SFXN1: variants seen among roughly 807,000 people sequenced by gnomAD.
SFXN1 encodes sideroflexin-1.
A neutral mutation model predicts 39.5 loss-of-function variants in SFXN1; 32 were observed. The observed-to-expected ratio is 0.81, with a 90% CI of 0.61 to 1.09. The LOEUF is 1.09. Among genes scored for constraint, SFXN1 ranks in the 50% least tolerant of loss-of-function variants. The probability of loss-of-function intolerance (pLI) is 0.00; values close to 1 mark genes in which losing one functional copy is unlikely to be tolerated. For synonymous variants in SFXN1, 136 were observed against 146.5 expected, an observed-to-expected ratio of 0.93 and a Z score of 0.52; for missense variants, 402 against 407.1, an observed-to-expected ratio of 0.99 and a Z score of 0.11.
At chr5:175,501,719 G>C (rs1760091395) in intron 2 of SFXN1, among the ~76,000 whole-genome samples, 1 of 152,132 alleles carries the variant, frequency 6.6e-6, no homozygotes, top group African/African-American at 2.4e-5. Context: ...TAGCAAGTAA[G>C]CATATGGAAC....
intron 10 of SFXN1, chr5:175,524,128 ATATATATATATATATAT>A (rs1760983284): frequency 1.6e-4 from 3 of 18,426 alleles, no homozygotes; most frequent in Admixed American, 7.5e-4. Context: ...AAAAAAAAAT[ATATATATATATATATAT>A]ATATATATAT....
At chr5:175,484,032 A>G (rs1468423535) in intron 1 of SFXN1, 1 of 152,194 alleles carries the variant, frequency 6.6e-6, no homozygotes, top group East Asian at 1.9e-4. Context: ...GAACGCAAAC[A>G]TCTTGTTCTC....
intron 1 of SFXN1, among the ~76,000 whole-genome samples, chr5:175,480,358 G>A (rs892792054): frequency 2.6e-5 from 4 of 151,832 alleles, no homozygotes; most frequent in East Asian, 1.9e-4. Context: ...CCGAGATCGC[G>A]CCACTGCACT....
At chr5:175,525,748 A>G (rs1761039025) in intron 10 of SFXN1, 1 of 152,158 alleles carries the variant, frequency 6.6e-6, no homozygotes, top group South Asian at 2.1e-4. Flanking sequence ...AGCTGGAGCC[A>G]CAGGCATACA....
chr5:175,487,255 T>C (rs377139820), intron 1 of SFXN1, among the ~76,000 whole-genome samples: 9 of 152,200 alleles, frequency 5.9e-5, no homozygotes, highest in African/African-American at 2.2e-4. Context: ...AGTATTTGTC[T>C]TTATAAGAAG....
Position 175,492,126 on chromosome 5 carries a change from A to G in SFXN1, c.23A>G (p.Asn8Ser), listed in dbSNP as rs1223477476. The G allele has an allele frequency of 3.7e-6, 6 of 1,613,600 alleles. No homozygotes were observed. The South Asian group carries it at 5.5e-5, about 15-fold the overall frequency. The change falls in exon 2 of 11, where the codon AAC becomes AGC. Residue 8 changes from asparagine (N) to serine (S), a missense_variant. Asn to Ser is a conservative substitution (Grantham distance 46). Coordinates refer to ENST00000321442, the MANE Select transcript of SFXN1 (RefSeq NM_022754.7). MSGELPP[N>S]INIKEPRWDQ... ...ACCATGTCTGGAGAACTACCACCAA[A>G]CATTAACATCAAGGAACCTCGATGG...
intron 2 of SFXN1, among the ~76,000 whole-genome samples, chr5:175,495,436 A>G (rs1759822226): frequency 6.6e-6 from 1 of 152,200 alleles, no homozygotes; most frequent in Non-Finnish European, 1.5e-5. Context: ...ATACTTAAAA[A>G]TGGTTAAAAT....
chr5:175,522,234 A>G (rs754926747), intron 9 of SFXN1, 141 bp from the exon 10 acceptor site: 36 of 845,816 alleles, frequency 4.3e-5, no homozygotes, highest in Non-Finnish European at 5.8e-5. Flanking sequence ...TAAAACTTAC[A>G]CAAACAGGAC....
chr5:175,497,650 C>T (rs182731242), intron 2 of SFXN1, among the ~76,000 whole-genome samples: 11 of 152,152 alleles, frequency 7.2e-5, no homozygotes, highest in East Asian at 3.9e-4. Context: ...ATCACAGGGC[C>T]GGGCGCAGTG....
At chr5:175,521,567 C>G (rs911675009) in intron 8 of SFXN1, among the ~76,000 whole-genome samples, 10 of 152,226 alleles carry the variant, frequency 6.6e-5, no homozygotes, top group Non-Finnish European at 1.3e-4. Flanking sequence ...AGGCGGGAGA[C>G]TTGAGACCTT....
At chr5:175,513,629 T>G (rs777986606) in intron 7 of SFXN1, 39 bp downstream of exon 7, 2 of 1,606,558 alleles carry the variant, frequency 1.2e-6, no homozygotes, top group South Asian at 1.1e-5. Context: ...AAATACAGGT[T>G]GAACCAGCGT....
intron 1 of SFXN1, chr5:175,484,219 C>T (rs1202398238): frequency 6.6e-6 from 1 of 152,272 alleles, no homozygotes; most frequent in East Asian, 1.9e-4. Flanking sequence ...ATGTTCAAGA[C>T]ACCTCTGTAA....
chr5:175,507,696 G>A (rs904882667), intron 2 of SFXN1, among the ~76,000 whole-genome samples: 10 of 152,282 alleles, frequency 6.6e-5, no homozygotes, highest in South Asian at 6.2e-4. Flanking sequence ...TCTGAGGCTG[G>A]GCATGGTGGC....
intron 2 of SFXN1, among the ~76,000 whole-genome samples, chr5:175,495,178 T>C (rs1759811599): frequency 6.6e-6 from 1 of 152,186 alleles, no homozygotes; most frequent in Non-Finnish European, 1.5e-5. Flanking sequence ...GAAGACATTA[T>C]GTTGAGTAAA....
At chr5:175,503,336 A>G (rs1038709383) in intron 2 of SFXN1, among the ~76,000 whole-genome samples, 1 of 152,266 alleles carries the variant, frequency 6.6e-6, no homozygotes, top group Non-Finnish European at 1.5e-5. Context: ...TTTAAAAAAT[A>G]CAAAAAGAAA....
intron 2 of SFXN1, among the ~76,000 whole-genome samples, chr5:175,498,887 T>TAAAAATTTTTCCCAC: frequency 6.6e-6 from 1 of 152,070 alleles, no homozygotes; most frequent in Non-Finnish European, 1.5e-5. Context: ...GGTAATAAAA[T>TAAAAATTTTTCCCAC]AAAAATCTTT....
chr5:175,516,530 GCTTT>G, intron 7 of SFXN1, 80 bp from the exon 8 acceptor site: 6 of 1,211,038 alleles, frequency 5.0e-6, no homozygotes, highest in Non-Finnish European at 7.2e-6. Context: ...AGTGACAGAA[GCTTT>G]CTGTCAAATG....
At chr5:175,509,318 A>G (rs1760430057) in intron 3 of SFXN1, 116 bp downstream of exon 3, 1 of 1,012,172 alleles carries the variant, frequency 9.9e-7, no homozygotes, top group South Asian at 1.9e-5. Flanking sequence ...ATGAAGTGAC[A>G]AACAAGGTAA....
At chr5:175,491,820 A>C in intron 1 of SFXN1, 1 of 264,244 alleles carries the variant, frequency 3.8e-6, no homozygotes, top group East Asian at 7.7e-5. Flanking sequence ...TCTCCAGAGT[A>C]ATTCTAGGTA....
Sources: gnomAD v4.1 joint callset for allele counts (sites outside exome capture counted in the v4.1 genomes callset) on GRCh38, gnomAD v4.1.1 for gene constraint, MANE v1.5 for transcripts, NCBI Gene and HGNC (gene_info 2026-07-23, HGNC 2026-07-21) for gene names.